The following COL11A1 variants were observed in gnomAD, a reference collection of about 807,000 sequenced individuals.
The protein encoded by COL11A1 is collagen alpha-1(XI) chain.
In COL11A1, 74 loss-of-function variants were observed where a neutral mutation model predicts 265.2. The observed-to-expected ratio is 0.28, with a 90% CI of 0.23 to 0.34. COL11A1 has a LOEUF of 0.34. Among genes scored for constraint, COL11A1 ranks in the 10% least tolerant of loss-of-function variants. COL11A1 has a pLI of 1.00. For missense variants in COL11A1, 2,165 were observed against 2,263.6 expected (o/e 0.96, Z 0.88); for synonymous variants, 816 against 727.6 (o/e 1.12, Z -1.96).
chr1:103,076,274 C>A (rs1671965658), intron 3 of COL11A1, among the ~76,000 whole-genome samples: 1 of 152,014 alleles, frequency 6.6e-6, no homozygotes, highest in Admixed American at 6.6e-5. Context: ...AATCCAATAT[C>A]TCTCAATTTA....
chr1:102,999,310 C>T (rs183656460), intron 24 of COL11A1, among the ~76,000 whole-genome samples: 6 of 151,988 alleles, frequency 3.9e-5, no homozygotes, highest in Admixed American at 3.9e-4. Flanking sequence ...TAAAAGTAAC[C>T]TTTAAATTGA....
chr1:103,025,688 G>T, intron 6 of COL11A1, 75 bp from the exon 7 acceptor site: 1 of 1,562,424 alleles, frequency 6.4e-7, no homozygotes, highest in South Asian at 1.1e-5. Context: ...GATTTAATTG[G>T]GTTATAGTAT....
chr1:102,885,930 T>C (rs1650913555), intron 63 of COL11A1, among the ~76,000 whole-genome samples: 1 of 152,290 alleles, frequency 6.6e-6, no homozygotes, highest in Non-Finnish European at 1.5e-5. Flanking sequence ...GATAAGAAGA[T>C]TTTTGTGACA....
At chr1:102,946,773 G>A (rs757447408) in intron 42 of COL11A1, 76 bp downstream of exon 42, 8 of 1,170,092 alleles carry the variant, frequency 6.8e-6, no homozygotes, top group Non-Finnish European at 1.0e-5. Flanking sequence ...TGTATGAAAA[G>A]CTAATATTAT....
chr1:102,878,201 CTT>C, intron 66 of COL11A1, 36 bp from the exon 67 acceptor site: 1 of 1,562,982 alleles, frequency 6.4e-7, no homozygotes, highest in Non-Finnish European at 8.7e-7. Flanking sequence ...GTTATACAAT[CTT>C]TTAATATTTT....
intron 4 of COL11A1, among the ~76,000 whole-genome samples, chr1:103,059,859 C>G (rs769002941): frequency 6.6e-6 from 1 of 151,920 alleles, no homozygotes; most frequent in Non-Finnish European, 1.5e-5. Context: ...CAAAACTAAA[C>G]AGGATATCTA....
At chr1:102,930,050 G>T (rs1219482784) in intron 46 of COL11A1, among the ~76,000 whole-genome samples, 1 of 152,128 alleles carries the variant, frequency 6.6e-6, no homozygotes, top group Non-Finnish European at 1.5e-5. Context: ...GGGACAATTT[G>T]ACTTCCTCTT....
intron 21 of COL11A1, 79 bp from the exon 22 acceptor site, chr1:103,002,870 T>C: frequency 7.8e-7 from 1 of 1,290,142 alleles, no homozygotes. Context: ...TAATCTAATA[T>C]CATGATATTC....
chr1:103,018,844 C>T lies in COL11A1; in HGVS notation c.1324G>A (p.Gly442Arg). The T allele has an allele frequency of 6.2e-7, 1 of 1,612,524 alleles. No homozygotes were observed. The highest frequency in any genetic ancestry group is 1.1e-5 in the South Asian group (1 of 90,960). Residue 442 changes from glycine (G) to arginine (R), a missense_variant, in exon 10 of 67, where the codon GGA becomes AGA. Gly to Arg is a moderately radical substitution (Grantham distance 125). Transcript: ENST00000370096. ...GCAGGTCCTGCTGGTCCTGGTGGTC[C>T]TTCGACAAGCATACCCTATAACAGG... ...AVVEPGMLVE[G>R]PPGPAGPAGI... is the part of the protein sequence containing the mutation.
intron 5 of COL11A1, among the ~76,000 whole-genome samples, chr1:103,027,556 C>T (rs2101975465): frequency 6.6e-6 from 1 of 150,720 alleles, no homozygotes; most frequent in South Asian, 2.1e-4. Flanking sequence ...CACATAATTC[C>T]TTAAGTAGTG....
chr1:102,930,457 G>A (rs989050074), intron 46 of COL11A1, among the ~76,000 whole-genome samples: 65 of 151,884 alleles, frequency 4.3e-4, no homozygotes, highest in Non-Finnish European at 8.5e-4. Flanking sequence ...TCATCATGGT[G>A]GATAAGCTTT....
intron 18 of COL11A1, among the ~76,000 whole-genome samples, chr1:103,004,944 TA>T (rs1665457219): frequency 6.6e-6 from 1 of 152,088 alleles, no homozygotes; most frequent in African/African-American, 2.4e-5. Context: ...TTCAGACATT[TA>T]ATTATTTTAA....
chr1:102,981,663 A>T, intron 31 of COL11A1, among the ~76,000 whole-genome samples: 1 of 152,022 alleles, frequency 6.6e-6, no homozygotes, highest in Admixed American at 6.6e-5. Context: ...ATGAAACAGT[A>T]TTACCCGTTT....
At chr1:103,083,248 CTG>C (rs76992260) in intron 1 of COL11A1, among the ~76,000 whole-genome samples, 1 of 148,174 alleles carries the variant, frequency 6.7e-6, no homozygotes, top group African/African-American at 2.5e-5. Context: ...GTGTCTGTGT[CTG>C]TGTGTGTGTG....
intron 4 of COL11A1, among the ~76,000 whole-genome samples, chr1:103,048,800 C>T (rs1669537255): frequency 6.6e-6 from 1 of 152,034 alleles, no homozygotes; most frequent in South Asian, 2.1e-4. Flanking sequence ...TATGTTGTGT[C>T]TTTTTTCTTG....
At chr1:103,064,199 T>C (rs1454041003) in intron 4 of COL11A1, among the ~76,000 whole-genome samples, 1 of 152,130 alleles carries the variant, frequency 6.6e-6, no homozygotes, top group Non-Finnish European at 1.5e-5. Context: ...TCACACTTCT[T>C]GGTATTTATC....
At chr1:103,092,471 A>G (rs1217476441) in intron 1 of COL11A1, among the ~76,000 whole-genome samples, 1 of 152,166 alleles carries the variant, frequency 6.6e-6, no homozygotes, top group Admixed American at 6.5e-5. Context: ...GCACACAAAC[A>G]CAGATCATAC....
intron 63 of COL11A1, among the ~76,000 whole-genome samples, chr1:102,885,699 T>G (rs945326): frequency 0.49 from 74,282 of 151,752 alleles, 21,754 homozygotes; most frequent in East Asian, 0.66. Context: ...CTTTGATATA[T>G]CTTACATGGT....
intron 42 of COL11A1, among the ~76,000 whole-genome samples, chr1:102,942,471 TG>T (rs1025586596): frequency 1.3e-5 from 2 of 152,186 alleles, no homozygotes; most frequent in Non-Finnish European, 2.9e-5. Flanking sequence ...TCCTCCATTA[TG>T]TATCTCTTGG....
Sources: gnomAD v4.1 joint callset for allele counts (sites outside exome capture counted in the v4.1 genomes callset) on GRCh38, gnomAD v4.1.1 for gene constraint, MANE v1.5 for transcripts, NCBI Gene and HGNC (gene_info 2026-07-23, HGNC 2026-07-21) for gene names.